The following ZNF814 variants were observed in gnomAD, a reference collection of about 807,000 sequenced individuals.
The protein encoded by ZNF814 is zinc finger protein 814.
ZNF814 carries 5 observed loss-of-function variants against 7.5 expected under a neutral mutation model. The observed-to-expected ratio is 0.67, with a 90% confidence interval of 0.35 to 1.40. The LOEUF is 1.40. Ranked by LOEUF, ZNF814 falls within the 40% of genes most tolerant of loss-of-function variation. The pLI, the probability that ZNF814 is intolerant of heterozygous loss-of-function variation, is 0.04. For missense variants in ZNF814, 962 were observed against 1,018.0 expected, an observed-to-expected ratio of 0.94 and a Z score of 0.75; for synonymous variants, 315 against 340.7, an observed-to-expected ratio of 0.92 and a Z score of 0.83.
chr19:57,873,752 T>C lies in ZNF814; in HGVS notation c.1638A>G (p.Arg546=). 3.1e-6 allele frequency: 5 copies of C among 1,613,694 alleles called. No individual in the cohort carries two copies. Among genetic ancestry groups the C allele is most frequent in the Non-Finnish European group, 4.2e-6 (5 of 1,179,866 alleles). The change falls in exon 3 of 3, where the codon AGA becomes AGG. Residue 546 remains arginine (R), a synonymous_variant. Transcript: ENST00000435989. The part of the protein sequence containing the change: ...RNHQQIHTGD[R]LYECGECGKS... ...TCCCACACTCTCCACACTCATAAAG[T>C]CTGTCCCCAGTGTGAATTTGCTGAT... is the stretch of plus-strand genomic sequence containing the variant.
chr19:57,873,646 C>G lies in ZNF814; in HGVS notation c.1744G>C (p.Gly582Arg), dbSNP rs753088065. 1.2e-6 allele frequency: 2 copies of G among 1,614,078 alleles called. No homozygotes were observed. Among genetic ancestry groups the G allele is most frequent in the Non-Finnish European group, 8.5e-7 (1 of 1,180,010 alleles). ...RERSYGCGEC[G>R]KSFSSIGHLR... is the part of the protein sequence containing the mutation. ...TGCCCGATTGAACTAAAAGATTTCCCACATTCTCCACACCCATAAGATCTT... is the reference window on the plus strand; with the variant it reads ...TGCCCGATTGAACTAAAAGATTTCCGACATTCTCCACACCCATAAGATCTT... Residue 582 changes from glycine to arginine, a missense_variant, in exon 3 of 3, where the codon GGG (glycine) becomes CGG (arginine). By Grantham distance (125) the Gly-to-Arg change is moderately radical. Coordinates refer to ENST00000435989, the MANE Select transcript of ZNF814 (RefSeq NM_001144989.2).
Position 57,874,110 on chromosome 19 carries a change from T to C in ZNF814, c.1280A>G (p.Gln427Arg), listed in dbSNP as rs774730653. 33 of 1,600,092 alleles carry C rather than the reference T, an allele frequency of 2.1e-5. 1 individual carries two copies. In the African/African-American group the frequency reaches 3.0e-4, roughly 14 times the overall value. ...AGGTTTTTCTCCAGTGTGAAATCGC[T>C]GATGTTGAATGAGGCTGCTCTTTTG... ...FSQKSSLIQHQRFHTGEKPYG... is the reference protein window; with the variant it reads ...FSQKSSLIQHRRFHTGEKPYG... Residue 427 changes from glutamine (Q) to arginine (R), a missense_variant, in exon 3 of 3, where the codon CAG (glutamine) becomes CGG (arginine). By Grantham distance (43) the Gln-to-Arg change is conservative. Coordinates refer to ENST00000435989, the MANE Select transcript of ZNF814 (RefSeq NM_001144989.2).
At chr19:57,900,818 T>C in the ZNF814 span, among the ~76,000 whole-genome samples, 12 of 147,308 alleles carry the variant, frequency 8.1e-5, no homozygotes, top group Non-Finnish European at 9.0e-5. Context: ...GCCCAGAGTA[T>C]TGCAGCAAAG....
chr19:57,886,772 CG>C, intron 1 of ZNF814, among the ~76,000 whole-genome samples: 1 of 146,690 alleles, frequency 6.8e-6, no homozygotes, highest in East Asian at 2.1e-4. Context: ...CCCAGCTACT[CG>C]GGAGGCTGAA....
chr19:57,883,894 T>C (rs2122458265), intron 1 of ZNF814, among the ~76,000 whole-genome samples: 1 of 152,004 alleles, frequency 6.6e-6, no homozygotes, highest in Admixed American at 6.6e-5. Flanking sequence ...GTAGCTGTGA[T>C]TACAGGCATG....
rs2071565043 is a variant in ZNF814 at position 57,872,599 on chromosome 19, CTG to C, written c.*221_*222del. The C allele has an allele frequency of 1.1e-5, 13 of 1,194,764 alleles. No individual in the cohort carries two copies. The highest frequency in any genetic ancestry group is 2.1e-5 in the Admixed American group (1 of 46,660). The allele number at this position is 1,194,764 out of a possible 1,614,324, so 74.0% of individuals were successfully genotyped here. A position where few individuals can be genotyped will look rare whatever the true frequency, so the allele number is the denominator to read the frequency against. On this transcript the variant is annotated 3_prime_UTR_variant, in exon 3 of 3. Transcript: ENST00000435989. ...AGACCTTACTCCAGTGTGAACTCTC[CTG>C]TGTTTAATGAGACTGAAAGTTTCAG... is the stretch of plus-strand genomic sequence containing the variant.
the ZNF814 span, among the ~76,000 whole-genome samples, chr19:57,901,002 G>A: frequency 2.1e-3 from 324 of 151,838 alleles, 4 homozygotes; most frequent in Admixed American, 3.9e-3. Context: ...ACCCGCCGCT[G>A]CGCCCGGCTA....
At position 57,871,006 on chromosome 19, in the gene ZNF814, A is replaced by G. The variant is rs2071553122; in HGVS notation, c.*1816T>C. 6.6e-6 allele frequency: 1 copy of G among 152,182 alleles called. No individual in the cohort carries two copies. Among genetic ancestry groups the G allele is most frequent in the African/African-American group, 2.4e-5 (1 of 41,454 alleles). The allele number at this position is 152,182 out of a possible 1,614,324, so 9.4% of individuals were successfully genotyped here. ...AAAAAAAAGAAAAAAAAAGAAAAAA[A>G]AGACATGAGTTGCAGTTACATTATT... On this transcript the variant is annotated 3_prime_UTR_variant, in exon 3 of 3. Transcript: ENST00000435989.
intron 1 of ZNF814, among the ~76,000 whole-genome samples, chr19:57,887,694 G>C (rs2071704168): frequency 1.3e-5 from 2 of 152,046 alleles, no homozygotes; most frequent in South Asian, 4.1e-4. Flanking sequence ...TTTCCTCAAG[G>C]AGTTAACTTG....
the ZNF814 span, among the ~76,000 whole-genome samples, chr19:57,900,061 CCTT>C: frequency 2.0e-5 from 3 of 151,976 alleles, no homozygotes; most frequent in African/African-American, 7.3e-5. Flanking sequence ...CTGGATATTG[CCTT>C]CTATTACTCA....
chr19:57,886,883 AAAAT>A (rs537079859), intron 1 of ZNF814, among the ~76,000 whole-genome samples: 9 of 150,896 alleles, frequency 6.0e-5, no homozygotes, highest in Non-Finnish European at 1.2e-4. Flanking sequence ...CTGTCTCAGT[AAAAT>A]AAATAAATAA....
chr19:57,877,692 C>G (rs997758996), intron 1 of ZNF814, among the ~76,000 whole-genome samples: 1 of 152,118 alleles, frequency 6.6e-6, no homozygotes, highest in African/African-American at 2.4e-5. Context: ...CCTCCCACCT[C>G]GGCCTCCCAA....
At chr19:57,904,789 G>A in the ZNF814 span, among the ~76,000 whole-genome samples, 5 of 152,268 alleles carry the variant, frequency 3.3e-5, no homozygotes, top group Middle Eastern at 3.4e-3. Context: ...GGTGGCCCAC[G>A]CCTGTAATCC....
In ZNF814 at chr19:57,874,864, C is replaced by T. The variant is rs1203790994; in HGVS notation, c.526G>A (p.Gly176Arg). The T allele has an allele frequency of 5.6e-6, 9 of 1,614,018 alleles. No homozygotes were observed. The change falls in exon 3 of 3, where the codon GGG (glycine) becomes AGG (arginine). Residue 176 changes from glycine (G) to arginine (R), a missense_variant. Transcript: ENST00000435989. ...CCTGACCTGGGCAAAAAGTCCTTCC[C>T]ACTCTCACTGAAGACAGATGACTCC... ...SGESSVFSESGKDFLPRSGLL... is the reference protein window; with the variant it reads ...SGESSVFSESRKDFLPRSGLL...
At chr19:57,892,574 T>C (rs2071739432), upstream of ZNF814, among the ~76,000 whole-genome samples, 1 of 152,242 alleles carries the variant, frequency 6.6e-6, no homozygotes, top group South Asian at 2.1e-4. Context: ...TGGAATAATC[T>C]GCCTTGCTGA....
At chr19:57,903,373 T>G in the ZNF814 span, among the ~76,000 whole-genome samples, 1 of 152,250 alleles carries the variant, frequency 6.6e-6, no homozygotes, top group Non-Finnish European at 1.5e-5. Flanking sequence ...AAAATATAGT[T>G]AGTCAAATTA....
chr19:57,890,964 T>C (rs2071731413), upstream of ZNF814, among the ~76,000 whole-genome samples: 1 of 152,026 alleles, frequency 6.6e-6, no homozygotes. Flanking sequence ...TCCCAGACAG[T>C]GAAGACATTC....
the ZNF814 span, among the ~76,000 whole-genome samples, chr19:57,904,547 C>G: frequency 6.6e-6 from 1 of 152,308 alleles, no homozygotes; most frequent in Middle Eastern, 3.4e-3. Context: ...AGATGCTGGA[C>G]ACTGCAGGTA....
chr19:57,904,547 C>T, the ZNF814 span, among the ~76,000 whole-genome samples: 1 of 152,308 alleles, frequency 6.6e-6, no homozygotes, highest in Admixed American at 6.5e-5. Context: ...AGATGCTGGA[C>T]ACTGCAGGTA....
Sources: allele counts gnomAD v4.1 joint callset (sites outside exome capture counted in the v4.1 genomes callset), GRCh38; gene constraint gnomAD v4.1.1; transcripts MANE v1.5; gene names NCBI Gene and HGNC (gene_info 2026-07-23, HGNC 2026-07-21).